The following PDE1A variants were observed in gnomAD, a reference collection of about 807,000 sequenced individuals.
The protein encoded by PDE1A is dual specificity calcium/calmodulin-dependent 3',5'-cyclic nucleotide phosphodiesterase 1A.
A neutral mutation model predicts 61.7 loss-of-function variants in PDE1A; 35 were observed. That is an observed-to-expected ratio of 0.57 (90% CI 0.43 to 0.75). The LOEUF is 0.75. Among genes scored for constraint, PDE1A ranks in the 30% least tolerant of loss-of-function variants. The pLI, the probability that PDE1A is intolerant of heterozygous loss-of-function variation, is 0.00. For synonymous variants in PDE1A, 232 were observed against 213.2 expected (o/e 1.09, Z -0.77); for missense variants, 597 against 630.6 (o/e 0.95, Z 0.57).
At chr2:182,686,537 T>C in the PDE1A span, among the ~76,000 whole-genome samples, 1 of 152,246 alleles carries the variant, frequency 6.6e-6, no homozygotes, top group East Asian at 1.9e-4. Context: ...TATTTGAAAG[T>C]TAGGTTGACA....
At chr2:182,372,577 A>G (rs1189338435) in intron 1 of PDE1A, among the ~76,000 whole-genome samples, 1 of 152,260 alleles carries the variant, frequency 6.6e-6, no homozygotes, top group Non-Finnish European at 1.5e-5. Flanking sequence ...TTAGTGAAGA[A>G]TTCAGAGCTA....
the PDE1A span, among the ~76,000 whole-genome samples, chr2:182,689,756 G>A: frequency 2.0e-5 from 3 of 152,082 alleles, no homozygotes; most frequent in Non-Finnish European, 2.9e-5. Flanking sequence ...TTTTTGAAAA[G>A]ATCAACAAAA....
intron 1 of PDE1A, among the ~76,000 whole-genome samples, chr2:182,336,549 A>G (rs1697826925): frequency 6.6e-6 from 1 of 152,116 alleles, no homozygotes. Flanking sequence ...GTTCTCACTC[A>G]TAAGTGGGAG....
chr2:182,341,146 A>C (rs1322258464), intron 1 of PDE1A, among the ~76,000 whole-genome samples: 1 of 152,220 alleles, frequency 6.6e-6, no homozygotes, highest in African/African-American at 2.4e-5. Context: ...AACACTTTCA[A>C]TCCCAATTCT....
At chr2:182,583,326 A>C in the PDE1A span, among the ~76,000 whole-genome samples, 1 of 152,202 alleles carries the variant, frequency 6.6e-6, no homozygotes, top group African/African-American at 2.4e-5. Flanking sequence ...CAAACTGACC[A>C]CTTAAAATTA....
chr2:182,670,156 T>A, the PDE1A span, among the ~76,000 whole-genome samples: 1 of 152,220 alleles, frequency 6.6e-6, no homozygotes, highest in Admixed American at 6.5e-5. Context: ...TACAACCCCA[T>A]GTCTCGTTTG....
chr2:182,307,152 T>C (rs542137155), intron 1 of PDE1A, among the ~76,000 whole-genome samples: 1 of 152,238 alleles, frequency 6.6e-6, no homozygotes, highest in East Asian at 1.9e-4. Context: ...TGAATAGATA[T>C]TTCTCAAAAG....
At chr2:182,695,315 T>A in the PDE1A span, among the ~76,000 whole-genome samples, 1 of 151,872 alleles carries the variant, frequency 6.6e-6, no homozygotes, top group Non-Finnish European at 1.5e-5. Flanking sequence ...CCAGAAAACA[T>A]CAAGCAGAAA....
chr2:182,160,512 C>T (rs990483404), intron 13 of PDE1A, among the ~76,000 whole-genome samples: 1 of 152,112 alleles, frequency 6.6e-6, no homozygotes, highest in African/African-American at 2.4e-5. Flanking sequence ...ACCTTTTTAT[C>T]CTTTGCCCTT....
At chr2:182,694,848 G>GTT in the PDE1A span, among the ~76,000 whole-genome samples, 2 of 142,596 alleles carry the variant, frequency 1.4e-5, no homozygotes, top group African/African-American at 2.5e-5. Flanking sequence ...ACAGTTGTTT[G>GTT]TTTGTTTTTT....
At chr2:182,332,648 T>C (rs573550382) in intron 1 of PDE1A, among the ~76,000 whole-genome samples, 1 of 152,274 alleles carries the variant, frequency 6.6e-6, no homozygotes, top group Admixed American at 6.5e-5. Flanking sequence ...CTCCAGACCC[T>C]GTTTGCCTGA....
At chr2:182,337,879 A>G (rs1697941291) in intron 1 of PDE1A, among the ~76,000 whole-genome samples, 1 of 152,212 alleles carries the variant, frequency 6.6e-6, no homozygotes, top group Non-Finnish European at 1.5e-5. Flanking sequence ...ATGTCAAAAT[A>G]TTAGACACTA....
chr2:182,669,765 T>A, the PDE1A span, among the ~76,000 whole-genome samples: 2 of 152,246 alleles, frequency 1.3e-5, no homozygotes, highest in Non-Finnish European at 2.9e-5. Flanking sequence ...ACGCCATGTG[T>A]ATGGTAAACA....
chr2:182,433,918 A>G (rs1361021418), intron 2 of PDE1A, among the ~76,000 whole-genome samples: 2 of 152,018 alleles, frequency 1.3e-5, no homozygotes, highest in African/African-American at 4.8e-5. Flanking sequence ...CATTGCTCAG[A>G]TATCATTGCA....
intron 13 of PDE1A, among the ~76,000 whole-genome samples, chr2:182,174,854 C>T (rs377670628): frequency 6.6e-6 from 1 of 152,096 alleles, no homozygotes; most frequent in Non-Finnish European, 1.5e-5. Context: ...ATCAACCCGT[C>T]ATCTACATTA....
At chr2:182,530,207 T>A in the PDE1A span, among the ~76,000 whole-genome samples, 42 of 149,692 alleles carry the variant, frequency 2.8e-4, no homozygotes, top group South Asian at 1.1e-3. Context: ...CCATTAGCCA[T>A]CAGGCAACAA....
At chr2:182,490,754 T>C (rs975720280) in intron 2 of PDE1A, among the ~76,000 whole-genome samples, 1 of 152,212 alleles carries the variant, frequency 6.6e-6, no homozygotes, top group African/African-American at 2.4e-5. Context: ...GGGAAAATAA[T>C]GCAAGCTAAA....
At chr2:182,713,949 GCTTA>G in the PDE1A span, among the ~76,000 whole-genome samples, 1 of 152,062 alleles carries the variant, frequency 6.6e-6, no homozygotes, top group Admixed American at 6.6e-5. Flanking sequence ...CCAAAATTGT[GCTTA>G]CTAAGGTCCC....
chr2:182,429,223 T>A (rs1463207610), upstream of PDE1A, among the ~76,000 whole-genome samples: 1 of 152,116 alleles, frequency 6.6e-6, no homozygotes, highest in East Asian at 1.9e-4. Context: ...AATGTTTTTA[T>A]TAGCTTTTTC....
Sources: gnomAD v4.1 joint callset for allele counts (sites outside exome capture counted in the v4.1 genomes callset) on GRCh38, gnomAD v4.1.1 for gene constraint, MANE v1.5 for transcripts, NCBI Gene and HGNC (gene_info 2026-07-23, HGNC 2026-07-21) for gene names.